The following MSR1 variants were observed in gnomAD, a reference collection of about 807,000 sequenced individuals.
The protein encoded by MSR1 is macrophage scavenger receptor 1, also known as macrophage scavenger receptor types I and II.
A neutral mutation model predicts 47.2 loss-of-function variants in MSR1; 53 were observed. The observed-to-expected ratio is 1.12, with a 90% confidence interval of 0.90 to 1.41. The LOEUF is 1.41. MSR1 is among the 40% of genes most tolerant of loss of function. The pLI is 0.00. For missense variants in MSR1, 786 were observed against 546.9 expected (o/e 1.44, Z -4.36); for synonymous variants, 239 against 185.6 (o/e 1.29, Z -2.34).
chr8:16,121,290 G>T (rs532528561), intron 8 of MSR1: 2 of 274,578 alleles, frequency 7.3e-6, no homozygotes, highest in African/African-American at 2.3e-5. Flanking sequence ...AAACTACAAA[G>T]AAATAAACTT....
chr8:16,116,901 C>A (rs548901063), intron 9 of MSR1, among the ~76,000 whole-genome samples: 1 of 152,094 alleles, frequency 6.6e-6, no homozygotes, highest in Non-Finnish European at 1.5e-5. Context: ...CACTTTCATA[C>A]TACAGGCTGT....
chr8:16,130,220 T>C (rs1361807642), intron 8 of MSR1, among the ~76,000 whole-genome samples: 1 of 152,180 alleles, frequency 6.6e-6, no homozygotes, highest in Non-Finnish European at 1.5e-5. Flanking sequence ...CCTGTTTTAT[T>C]GGTCTTCACT....
intron 1 of MSR1, among the ~76,000 whole-genome samples, chr8:16,187,364 CAAA>C (rs751848634): frequency 2.8e-5 from 1 of 35,436 alleles, no homozygotes. Flanking sequence ...ACTCTGTCTC[CAAA>C]AAAAAAAAAA....
chr8:16,123,901 G>A (rs1033863660), intron 8 of MSR1, among the ~76,000 whole-genome samples: 2 of 152,030 alleles, frequency 1.3e-5, no homozygotes, highest in African/African-American at 4.8e-5. Context: ...GCTTCTTTCT[G>A]TAGGTTGCTT....
intron 8 of MSR1, among the ~76,000 whole-genome samples, chr8:16,131,999 T>G (rs970968107): frequency 1.7e-5 from 2 of 120,270 alleles, no homozygotes; most frequent in Non-Finnish European, 3.2e-5. Flanking sequence ...TACAATAGGG[T>G]TTTTTTTTTT....
intron 7 of MSR1, 91 bp downstream of exon 7, chr8:16,150,140 G>GTGTGTGTATA (rs1402495981): frequency 5.8e-6 from 1 of 172,634 alleles, no homozygotes; most frequent in African/African-American, 3.1e-5. Context: ...GTGTGTGTGT[G>GTGTGTGTATA]TATATATATA....
intron 1 of MSR1, among the ~76,000 whole-genome samples, chr8:16,189,394 TTATA>T (rs1186150494): frequency 1.0e-5 from 1 of 100,202 alleles, no homozygotes; most frequent in Non-Finnish European, 1.8e-5. Context: ...AAATCTTATT[TTATA>T]TATATTTTAT....
At chr8:16,177,643 C>A (rs182202921) in intron 2 of MSR1, among the ~76,000 whole-genome samples, 122 of 152,168 alleles carry the variant, frequency 8.0e-4, no homozygotes, top group Non-Finnish European at 2.1e-4. Flanking sequence ...TCTCCAGAAC[C>A]TAATATTGTA....
In MSR1 at chr8:16,129,416, C is replaced by T. The variant is rs145789885; in HGVS notation, c.1034-8810G>A. Among the ~76,000 whole-genome samples, 558 of 152,180 alleles carry T rather than the reference C, an allele frequency of 3.7e-3. 6 individuals are homozygous for T. The highest frequency in any genetic ancestry group is 0.012 in the African/African-American group (518 of 41,538). On this transcript the variant is annotated intron_variant, in intron 8 of 9. Coordinates refer to ENST00000262101, the MANE Select transcript of MSR1 (RefSeq NM_138715.3). ...AATTTCTTGGAGACTCCATGTGAAA[C>T]AAGCCAACTGTGTCGTTCTAGGAAA...
intron 2 of MSR1, among the ~76,000 whole-genome samples, chr8:16,175,896 T>C (rs1317549735): frequency 2.0e-5 from 3 of 152,170 alleles, no homozygotes; most frequent in African/African-American, 7.2e-5. Flanking sequence ...TGAAGCCCAC[T>C]CTCTCTATAT....
chr8:16,140,079 G>GTGAATTAA (rs148643816), intron 8 of MSR1: 245,436 of 952,260 alleles, frequency 0.26, 34,665 homozygotes, highest in East Asian at 0.54. Flanking sequence ...TAATGGACAT[G>GTGAATTAA]TGAATTAATG....
rs769317482 is a variant in MSR1 at position 16,120,588 on chromosome 8, C to G, written c.1052G>C (p.Arg351Pro). The G allele has an allele frequency of 1.6e-5, 26 of 1,585,632 alleles. No individual in the cohort carries two copies. The highest frequency in any genetic ancestry group is 2.2e-5 in the Non-Finnish European group (26 of 1,175,164). The stretch of plus-strand genomic sequence containing the variant: ...GTGAGGGCCGCTCCCACCGACCAGT[C>G]GAACTTTCGTAAATGGAGCTGTAAA... ...GNTLTPFTKVRLVGGSGPHEG... is the reference protein window; with the variant it reads ...GNTLTPFTKVPLVGGSGPHEG... The change falls in exon 9 of 10, where the codon CGA becomes CCA. Residue 351 changes from arginine (R) to proline (P), a missense_variant. Arg to Pro is a moderately radical substitution (Grantham distance 103). Transcript: ENST00000262101.
At chr8:16,137,631 A>G (rs960514018) in intron 8 of MSR1, among the ~76,000 whole-genome samples, 1 of 152,112 alleles carries the variant, frequency 6.6e-6, no homozygotes, top group Non-Finnish European at 1.5e-5. Flanking sequence ...CACAGTTTAT[A>G]ATTCTAGAAA....
At chr8:16,125,587 T>C (rs1378034688) in intron 8 of MSR1, among the ~76,000 whole-genome samples, 1 of 152,142 alleles carries the variant, frequency 6.6e-6, no homozygotes, top group Non-Finnish European at 1.5e-5. Flanking sequence ...CAGAGAAGTT[T>C]CAATCCTTTC....
Position 16,158,592 on chromosome 8 carries a change from C to T in MSR1, c.818-3448G>A, listed in dbSNP as rs548377665. On this transcript the variant is annotated intron_variant, in intron 5 of 9. Transcript: ENST00000262101. The stretch of plus-strand genomic sequence containing the variant: ...ATATTCAGATCATCATAAAAATCTG[C>T]CACATCTTCTAGTCTATTGCTGCCT... Among the ~76,000 whole-genome samples, 9 of 152,070 alleles carry T rather than the reference C, an allele frequency of 5.9e-5. No individual in the cohort carries two copies. In the South Asian group the frequency reaches 6.2e-4, roughly 11 times the overall value.
chr8:16,134,325 T>C (rs545900102), intron 8 of MSR1, among the ~76,000 whole-genome samples: 8 of 152,118 alleles, frequency 5.3e-5, no homozygotes, highest in African/African-American at 1.9e-4. Flanking sequence ...TAGTGCAGAA[T>C]TTTTGAAATC....
Position 16,110,077 on chromosome 8 carries a change from A to T in MSR1, c.*8T>A, listed in dbSNP as rs759828122. The T allele has an allele frequency of 1.3e-5, 21 of 1,613,422 alleles. No homozygotes were observed. In the East Asian group the frequency reaches 4.7e-4, roughly 36 times the overall value. Reference sequence around the variant, plus strand: ...CGATTTCATAGTTGTGAATGAAAATATGATGCATTATAAAGTGCAAGTGAC... The same window carrying T: ...CGATTTCATAGTTGTGAATGAAAATTTGATGCATTATAAAGTGCAAGTGAC... On this transcript the variant is annotated 3_prime_UTR_variant, in exon 10 of 10. Coordinates refer to ENST00000262101, the MANE Select transcript of MSR1 (RefSeq NM_138715.3).
intron 8 of MSR1, among the ~76,000 whole-genome samples, chr8:16,129,212 G>T (rs900848002): frequency 6.6e-6 from 1 of 152,032 alleles, no homozygotes; most frequent in Non-Finnish European, 1.5e-5. Flanking sequence ...ATTAGGAAAT[G>T]GGTCATTTTG....
At chr8:16,190,529 T>C (rs1239394502) in intron 1 of MSR1, among the ~76,000 whole-genome samples, 3 of 152,080 alleles carry the variant, frequency 2.0e-5, no homozygotes, top group Admixed American at 6.6e-5. Flanking sequence ...CTGTCATACA[T>C]TGTTCTTCTT....
Sources: allele counts gnomAD v4.1 joint callset (sites outside exome capture counted in the v4.1 genomes callset), GRCh38; gene constraint gnomAD v4.1.1; transcripts MANE v1.5; gene names NCBI Gene and HGNC (gene_info 2026-07-23, HGNC 2026-07-21).